Variants in SLC1A2 observed in about 807,000 individuals in gnomAD.
SLC1A2 encodes the protein solute carrier family 1 member 2.
SLC1A2 carries 15 observed loss-of-function variants against 48.8 expected under a neutral mutation model. That is an observed-to-expected ratio of 0.31 (90% CI 0.21 to 0.47). SLC1A2 has a LOEUF of 0.47. SLC1A2 is among the 20% of genes least tolerant of loss of function. The pLI is 0.99. For synonymous variants in SLC1A2, 279 were observed against 272.6 expected, an observed-to-expected ratio of 1.02 and a Z score of -0.23; for missense variants, 502 against 730.5, an observed-to-expected ratio of 0.69 and a Z score of 3.61.
intron 1 of SLC1A2, among the ~76,000 whole-genome samples, chr11:35,385,621 G>A (rs965422107): frequency 1.3e-5 from 2 of 152,176 alleles, no homozygotes; most frequent in Non-Finnish European, 2.9e-5. Context: ...CCGGCCATCT[G>A]CTTTTCTGAC....
At position 35,286,920 on chromosome 11, in the gene SLC1A2, G is replaced by A. The variant is rs1246216319; in HGVS notation, c.1123C>T (p.Leu375=). The A allele has an allele frequency of 6.2e-7, 1 of 1,613,880 alleles. No homozygotes were observed. Among genetic ancestry groups the A allele is most frequent in the Non-Finnish European group, 8.5e-7 (1 of 1,179,932 alleles). The change falls in exon 8 of 11, where the codon CTG becomes TTG. Residue 375 remains leucine (L), a synonymous_variant. Coordinates refer to ENST00000278379, the MANE Select transcript of SLC1A2 (RefSeq NM_004171.4). ...AGTLPVTFRC[L]EENLGIDKRV... Reference sequence around the variant, plus strand: ...TTATCAATCCCCAGATTTTCTTCCAGGCAACGAAAGGTGACAGGCAAAGTT... The same window carrying A: ...TTATCAATCCCCAGATTTTCTTCCAAGCAACGAAAGGTGACAGGCAAAGTT...
intron 1 of SLC1A2, among the ~76,000 whole-genome samples, chr11:35,400,851 G>A (rs1164684511): frequency 3.3e-5 from 5 of 152,206 alleles, no homozygotes; most frequent in African/African-American, 1.2e-4. Context: ...AACCCCAGGA[G>A]ATCCTGAGAA....
intron 1 of SLC1A2, among the ~76,000 whole-genome samples, chr11:35,363,851 T>A (rs938037159): frequency 6.6e-6 from 1 of 152,158 alleles, no homozygotes; most frequent in South Asian, 2.1e-4. Flanking sequence ...TCCTCACTGA[T>A]TGGTTCTCAT....
At chr11:35,402,878 C>T (rs556268473) in intron 1 of SLC1A2, among the ~76,000 whole-genome samples, 69 of 152,220 alleles carry the variant, frequency 4.5e-4, no homozygotes, top group Non-Finnish European at 8.5e-4. Flanking sequence ...AACAACCCTT[C>T]GCTAGAGCAA....
At position 35,384,074 on chromosome 11, in the gene SLC1A2, T is replaced by A. The variant is rs112288607; in HGVS notation, c.17+34876A>T. Among the ~76,000 whole-genome samples, 7 of 152,298 alleles carry A rather than the reference T, an allele frequency of 4.6e-5. No individual in the cohort carries two copies. The South Asian group carries it at 1.4e-3, about 32-fold the overall frequency. On this transcript the variant is annotated intron_variant, in intron 1 of 10. Transcript: ENST00000278379. Reference sequence around the variant, plus strand: ...TCGCCTCCTCTGTTCCAGCCAGGACTTTTTTGGTTGCTTGAAAGAGAAATA... The same window carrying A: ...TCGCCTCCTCTGTTCCAGCCAGGACATTTTTGGTTGCTTGAAAGAGAAATA...
chr11:35,289,944 G>T (rs1211160134), intron 7 of SLC1A2, among the ~76,000 whole-genome samples: 1 of 152,136 alleles, frequency 6.6e-6, no homozygotes, highest in African/African-American at 2.4e-5. Context: ...ACAGGAAAAT[G>T]ACCAAGTTCA....
chr11:35,278,789 T>A (rs957626913), intron 9 of SLC1A2, among the ~76,000 whole-genome samples: 4 of 151,876 alleles, frequency 2.6e-5, no homozygotes, highest in African/African-American at 9.7e-5. Flanking sequence ...GAGGCTGAGG[T>A]GGGCCGATCA....
At chr11:35,369,550 G>T (rs1157753107) in intron 1 of SLC1A2, among the ~76,000 whole-genome samples, 1 of 152,214 alleles carries the variant, frequency 6.6e-6, no homozygotes, top group Non-Finnish European at 1.5e-5. Flanking sequence ...AAGCTAAATG[G>T]TCTGACATTT....
chr11:35,375,353 C>T (rs910445876), intron 1 of SLC1A2, among the ~76,000 whole-genome samples: 4 of 152,132 alleles, frequency 2.6e-5, no homozygotes, highest in Admixed American at 6.6e-5. Flanking sequence ...TGTGGTTCCC[C>T]GCTTCACGTG....
intron 8 of SLC1A2, chr11:35,285,942 G>A (rs540174451): frequency 2.6e-5 from 4 of 152,230 alleles, no homozygotes; most frequent in Non-Finnish European, 5.9e-5. Context: ...AGATGGGTTG[G>A]GAGTGATAAT....
chr11:35,401,137 G>A (rs1220020619), intron 1 of SLC1A2, among the ~76,000 whole-genome samples: 1 of 152,188 alleles, frequency 6.6e-6, no homozygotes, highest in Non-Finnish European at 1.5e-5. Flanking sequence ...TGGGGACCAA[G>A]GTCCTTATTA....
chr11:35,369,732 C>T (rs1342342636), intron 1 of SLC1A2, among the ~76,000 whole-genome samples: 1 of 152,198 alleles, frequency 6.6e-6, no homozygotes, highest in Non-Finnish European at 1.5e-5. Context: ...GCAAGTGACA[C>T]AAAGCTGACC....
intron 1 of SLC1A2, among the ~76,000 whole-genome samples, chr11:35,326,011 C>T (rs1306696454): frequency 1.4e-5 from 2 of 145,662 alleles, no homozygotes; most frequent in African/African-American, 2.5e-5. Flanking sequence ...ATTGGGAAAA[C>T]CAGTGTGTAG....
At chr11:35,399,425 T>A (rs1373118922) in intron 1 of SLC1A2, 1 of 158,222 alleles carries the variant, frequency 6.3e-6, no homozygotes, top group Non-Finnish European at 1.4e-5. Flanking sequence ...AAAGATTTCC[T>A]GTTCTCCATC....
intron 1 of SLC1A2, among the ~76,000 whole-genome samples, chr11:35,353,572 A>G (rs1853344407): frequency 6.6e-6 from 1 of 152,212 alleles, no homozygotes. Flanking sequence ...TAGCTACATT[A>G]AAATATGTGA....
intron 1 of SLC1A2, among the ~76,000 whole-genome samples, chr11:35,398,341 T>A (rs1375366308): frequency 6.6e-6 from 1 of 152,152 alleles, no homozygotes; most frequent in Non-Finnish European, 1.5e-5. Flanking sequence ...TAAAAAGGAA[T>A]GAAATCATGT....
At chr11:35,302,671 G>A (rs1851389799) in intron 5 of SLC1A2, among the ~76,000 whole-genome samples, 1 of 151,882 alleles carries the variant, frequency 6.6e-6, no homozygotes, top group Admixed American at 6.6e-5. Flanking sequence ...GTTCCTCCAA[G>A]GCTAGGCCTG....
intron 1 of SLC1A2, among the ~76,000 whole-genome samples, chr11:35,414,214 T>G (rs1273746318): frequency 6.6e-6 from 1 of 152,072 alleles, no homozygotes; most frequent in African/African-American, 2.4e-5. Flanking sequence ...TAAATAAATA[T>G]CAACACCATT....
chr11:35,380,747 G>A (rs564109318), intron 1 of SLC1A2, among the ~76,000 whole-genome samples: 1 of 152,336 alleles, frequency 6.6e-6, no homozygotes, highest in South Asian at 2.1e-4. Context: ...GGGAGTGTGT[G>A]GGTGTCTGCA....
Sources: allele counts gnomAD v4.1 joint callset (sites outside exome capture counted in the v4.1 genomes callset), GRCh38; gene constraint gnomAD v4.1.1; transcripts MANE v1.5; gene names NCBI Gene and HGNC (gene_info 2026-07-23, HGNC 2026-07-21).